The following RAP1GAP2 variants were observed in gnomAD, a reference collection of about 807,000 sequenced individuals.
The protein encoded by RAP1GAP2 is RAP1 GTPase activating protein 2, also known as rap1 GTPase-activating protein 2.
RAP1GAP2 carries 27 observed loss-of-function variants against 95.0 expected under a neutral mutation model. The observed-to-expected ratio is 0.28, with a 90% confidence interval of 0.21 to 0.39. The LOEUF is 0.39. Ranked by LOEUF, RAP1GAP2 falls within the 10% of genes least tolerant of loss-of-function variation. RAP1GAP2 has a pLI of 1.00. For synonymous variants in RAP1GAP2, 373 were observed against 380.9 expected (o/e 0.98, Z 0.24); for missense variants, 771 against 970.0 (o/e 0.79, Z 2.72).
chr17:2,875,194 G>A (rs1378510360), intron 2 of RAP1GAP2, among the ~76,000 whole-genome samples: 1 of 152,166 alleles, frequency 6.6e-6, no homozygotes, highest in African/African-American at 2.4e-5. Context: ...AGTCTCCGGA[G>A]TAGCTGAGAT....
intron 2 of RAP1GAP2, among the ~76,000 whole-genome samples, chr17:2,807,547 A>G (rs2069573456): frequency 6.6e-6 from 1 of 152,070 alleles, no homozygotes; most frequent in Admixed American, 6.6e-5. Context: ...CACAGAAAGG[A>G]TGGAGGGGGG....
chr17:2,879,509 C>T (rs1391786232), intron 2 of RAP1GAP2, among the ~76,000 whole-genome samples: 2 of 151,284 alleles, frequency 1.3e-5, no homozygotes, highest in Non-Finnish European at 2.9e-5. Flanking sequence ...GGGCAGATCA[C>T]GAGATCAGGA....
At chr17:2,806,977 C>T (rs2069548532) in intron 2 of RAP1GAP2, among the ~76,000 whole-genome samples, 2 of 151,530 alleles carry the variant, frequency 1.3e-5, no homozygotes, top group South Asian at 4.2e-4. Context: ...AGCCACTGTG[C>T]CTGGTCTGCC....
chr17:3,027,551 G>A lies in RAP1GAP2; in HGVS notation c.2107+481G>A, dbSNP rs537717057. 1.2e-4 allele frequency among the ~76,000 whole-genome samples: 18 copies of A among 152,252 alleles called. No homozygotes were observed. Among genetic ancestry groups the A allele is most frequent in the African/African-American group, 4.1e-4 (17 of 41,570 alleles). Reference sequence around the variant, plus strand: ...GAGAGCGGGTATTCCGGAACTGCACGTGTTCATGGCAGCTGGGTTCACAGA... The same window carrying A: ...GAGAGCGGGTATTCCGGAACTGCACATGTTCATGGCAGCTGGGTTCACAGA... On this transcript the variant is annotated intron_variant, in intron 22 of 24. Coordinates refer to ENST00000254695, the MANE Select transcript of RAP1GAP2 (RefSeq NM_015085.5). This position sits in a 1 kb window ranked among gnomAD's most constrained non-coding sequence, Gnocchi z 5.2.
chr17:3,007,968 C>T (rs751597802), intron 16 of RAP1GAP2, 43 bp from the exon 17 acceptor site: 32 of 1,604,134 alleles, frequency 2.0e-5, no homozygotes, highest in Middle Eastern at 3.6e-4. Flanking sequence ...CACATCTCTG[C>T]TCTCAGAGCC....
chr17:2,935,024 A>C (rs748013711), intron 3 of RAP1GAP2, among the ~76,000 whole-genome samples: 10 of 152,178 alleles, frequency 6.6e-5, no homozygotes, highest in Non-Finnish European at 1.3e-4. Flanking sequence ...CATCTGCATC[A>C]ACCAGCTGAT....
At chr17:3,013,427 G>A (rs2046633286) in intron 17 of RAP1GAP2, among the ~76,000 whole-genome samples, 1 of 152,102 alleles carries the variant, frequency 6.6e-6, no homozygotes, top group Non-Finnish European at 1.5e-5. Context: ...CTGGGTCGGA[G>A]TCATGGTCTC....
At chr17:2,763,088 G>A (rs937026192) in intron 1 of RAP1GAP2, among the ~76,000 whole-genome samples, 1 of 152,200 alleles carries the variant, frequency 6.6e-6, no homozygotes, top group Non-Finnish European at 1.5e-5. Flanking sequence ...CAAGGTGATA[G>A]GGAAGATAGT....
At chr17:2,970,458 A>G (rs1181841818) in intron 8 of RAP1GAP2, among the ~76,000 whole-genome samples, 1 of 152,114 alleles carries the variant, frequency 6.6e-6, no homozygotes, top group Non-Finnish European at 1.5e-5. Context: ...TTTGATAGAT[A>G]ACGTTAAATT....
intron 2 of RAP1GAP2, chr17:2,770,533 G>A (rs2068370039): frequency 2.5e-6 from 1 of 397,872 alleles, no homozygotes; most frequent in South Asian, 1.3e-4. Context: ...CTCCGCACTG[G>A]TCCACAAATC....
chr17:2,799,106 G>C (rs1316170823), intron 1 of RAP1GAP2, among the ~76,000 whole-genome samples: 5 of 152,262 alleles, frequency 3.3e-5, no homozygotes, highest in African/African-American at 1.2e-4. Context: ...AGCGCCTGCT[G>C]TGAGGGGCTG....
intron 8 of RAP1GAP2, among the ~76,000 whole-genome samples, chr17:2,979,447 T>G (rs2045260338): frequency 6.7e-6 from 1 of 149,442 alleles, no homozygotes; most frequent in South Asian, 2.1e-4. Context: ...GACAGATATA[T>G]CAGGCGTGTT....
intron 2 of RAP1GAP2, among the ~76,000 whole-genome samples, chr17:2,893,286 C>G (rs1279570061): frequency 6.6e-6 from 1 of 152,178 alleles, no homozygotes; most frequent in Non-Finnish European, 1.5e-5. Flanking sequence ...GGTGATCTGC[C>G]TGCCTCAGTC....
chr17:2,899,618 C>T (rs1325716321), intron 2 of RAP1GAP2, among the ~76,000 whole-genome samples: 2 of 152,156 alleles, frequency 1.3e-5, no homozygotes, highest in Non-Finnish European at 2.9e-5. Flanking sequence ...TCAAGTGATT[C>T]TCCTGCCTCA....
rs1555562786 is a variant in RAP1GAP2, at chr17:2,891,823, T to TTTTTC, written c.81-13457_81-13456insCTTTT. 2.0e-3 allele frequency among the ~76,000 whole-genome samples: 227 copies of TTTTTC among 114,572 alleles called. 12 individuals carry two copies. The highest frequency in any genetic ancestry group is 6.3e-3 in the African/African-American group (184 of 29,306). 75.2% of individuals were successfully genotyped at this position (114,572 alleles called of 152,430 possible). ...GATTCATATTTCTTTTCTTTTTTTT[T>TTTTTC]TTTTTTTTTTTTTTTTTGAGACAGA... On this transcript the variant is annotated intron_variant, in intron 2 of 24. Coordinates refer to ENST00000254695, the MANE Select transcript of RAP1GAP2 (RefSeq NM_015085.5).
chr17:2,912,144 A>G (rs1342969124), intron 3 of RAP1GAP2, among the ~76,000 whole-genome samples: 1 of 152,216 alleles, frequency 6.6e-6, no homozygotes, highest in Non-Finnish European at 1.5e-5. Flanking sequence ...ATGGTAGGTA[A>G]GGCAGGTGTG....
Position 2,962,832 on chromosome 17 carries a change from A to T in RAP1GAP2, c.246+118A>T, listed in dbSNP as rs2044397552. The T allele has an allele frequency of 4.1e-6, 4 of 985,706 alleles. No individual in the cohort carries two copies. The African/African-American group carries it at 7.2e-5, about 18-fold the overall frequency. The allele number at this position is 985,706 out of a possible 1,614,324, so 61.1% of individuals were successfully genotyped here. On this transcript the variant is annotated intron_variant, in intron 5 of 24. Transcript: ENST00000254695. Reference sequence around the variant, plus strand: ...TCTGTCTCACACCTGTCTAACTCTGACTCGCACCACGGGCCGCTTCACGAC... The same window carrying T: ...TCTGTCTCACACCTGTCTAACTCTGTCTCGCACCACGGGCCGCTTCACGAC...
chr17:2,761,979 C>CTTTTTT (rs901487276), intron 1 of RAP1GAP2, among the ~76,000 whole-genome samples: 2 of 77,746 alleles, frequency 2.6e-5, no homozygotes, highest in Non-Finnish European at 4.8e-5. Flanking sequence ...GTTTATATAT[C>CTTTTTT]TTTTTTTTTT....
chr17:2,761,057 C>T (rs766682301), intron 1 of RAP1GAP2, among the ~76,000 whole-genome samples: 52 of 150,954 alleles, frequency 3.4e-4, no homozygotes, highest in Admixed American at 1.8e-3. Context: ...GGGGTTCAAG[C>T]GATTCTTCTG....
Sources: allele counts gnomAD v4.1 joint callset (sites outside exome capture counted in the v4.1 genomes callset), GRCh38; gene constraint gnomAD v4.1.1; non-coding constraint Gnocchi (gnomAD v3.1); transcripts MANE v1.5; gene names NCBI Gene and HGNC (gene_info 2026-07-23, HGNC 2026-07-21).